ITPR2: variants seen among roughly 807,000 people sequenced by gnomAD.
The protein encoded by ITPR2 is inositol 1,4,5-trisphosphate receptor type 2.
Under a neutral mutation model 317.1 loss-of-function variants are expected in ITPR2, and 207 were observed. The observed-to-expected ratio is 0.65, with a 90% CI of 0.58 to 0.73. The LOEUF is 0.73. Among genes scored for constraint, ITPR2 ranks in the 30% least tolerant of loss-of-function variants. The pLI, the probability that ITPR2 is intolerant of heterozygous loss-of-function variation, is 0.00. For synonymous variants in ITPR2, 1,156 were observed against 1,149.1 expected (o/e 1.01, Z -0.12); for missense variants, 2,613 against 3,284.0 (o/e 0.80, Z 4.99).
intron 21 of ITPR2, among the ~76,000 whole-genome samples, chr12:26,636,830 G>A (rs1486219651): frequency 2.0e-5 from 3 of 152,082 alleles, no homozygotes; most frequent in Non-Finnish European, 4.4e-5. Context: ...GTTGGGAGAC[G>A]AATTCCAGTT....
intron 55 of ITPR2, among the ~76,000 whole-genome samples, chr12:26,369,554 C>T (rs1939120860): frequency 6.6e-6 from 1 of 152,090 alleles, no homozygotes. Flanking sequence ...AATTTCTTTC[C>T]AATTAAGTGC....
At chr12:26,362,474 A>G (rs1783950354) in intron 55 of ITPR2, among the ~76,000 whole-genome samples, 1 of 152,212 alleles carries the variant, frequency 6.6e-6, no homozygotes, top group South Asian at 2.1e-4. Flanking sequence ...GTGCTCAAAT[A>G]TGTGGAGGTA....
intron 45 of ITPR2, among the ~76,000 whole-genome samples, chr12:26,451,588 T>A (rs1274822343): frequency 1.3e-5 from 2 of 152,168 alleles, no homozygotes; most frequent in African/African-American, 4.8e-5. Flanking sequence ...CAGTTTATTA[T>A]TTCCTTTATA....
At chr12:26,478,711 C>T (rs1942472343) in intron 43 of ITPR2, among the ~76,000 whole-genome samples, 1 of 151,978 alleles carries the variant, frequency 6.6e-6, no homozygotes, top group Non-Finnish European at 1.5e-5. Context: ...AGTGTTAGTG[C>T]AGGAGTTTCT....
intron 45 of ITPR2, among the ~76,000 whole-genome samples, chr12:26,455,344 T>TTAA (rs1491233561): frequency 3.0e-5 from 2 of 66,360 alleles, no homozygotes. Flanking sequence ...CAACAGCTGC[T>TTAA]AAAAAAAAAA....
intron 45 of ITPR2, among the ~76,000 whole-genome samples, chr12:26,450,179 C>A (rs1307059105): frequency 6.6e-6 from 1 of 152,144 alleles, no homozygotes; most frequent in African/African-American, 2.4e-5. Flanking sequence ...CCTGCCAACA[C>A]CTTGGCTTAG....
intron 13 of ITPR2, among the ~76,000 whole-genome samples, chr12:26,675,154 C>A (rs571273899): frequency 2.5e-3 from 375 of 152,240 alleles, no homozygotes; most frequent in African/African-American, 8.8e-3. Flanking sequence ...CCTCAGGGAT[C>A]TAGAACTACA....
chr12:26,365,460 T>C (rs4963665), intron 55 of ITPR2, among the ~76,000 whole-genome samples: 24,879 of 152,014 alleles, frequency 0.16, 2,239 homozygotes, highest in African/African-American at 0.22. Flanking sequence ...AGTTCAGAAG[T>C]AATAGATCAG....
chr12:26,602,825 C>G lies in ITPR2; in HGVS notation c.3463-119G>C, dbSNP rs1946032349. On this transcript the variant is annotated intron_variant, in intron 26 of 56. Transcript: ENST00000381340. ...ATTTTGTAATAAATCTATTATTCAA[C>G]TTAAATGTTTCTTTTGTACTTTTTT... 6 of 488,998 alleles carry G rather than the reference C, an allele frequency of 1.2e-5. No individual in the cohort carries two copies. In the East Asian group the frequency reaches 2.2e-4, roughly 18 times the overall value. The allele number at this position is 488,998 out of a possible 1,614,324, so 30.3% of individuals were successfully genotyped here. A position where few individuals can be genotyped will look rare whatever the true frequency, so the allele number is the denominator to read the frequency against.
chr12:26,755,881 T>G (rs567488212), intron 2 of ITPR2, among the ~76,000 whole-genome samples: 36 of 152,098 alleles, frequency 2.4e-4, no homozygotes, highest in Non-Finnish European at 5.0e-4. Flanking sequence ...GAATGTGACT[T>G]TCTAACAAGT....
chr12:26,691,994 A>G (rs1948250188), intron 10 of ITPR2, among the ~76,000 whole-genome samples: 2 of 151,906 alleles, frequency 1.3e-5, no homozygotes, highest in Non-Finnish European at 2.9e-5. Flanking sequence ...TTCTGATAGA[A>G]CCTTTGTTTC....
chr12:26,415,584 G>A, intron 50 of ITPR2, 86 bp from the exon 51 acceptor site: 1 of 933,832 alleles, frequency 1.1e-6, no homozygotes, highest in South Asian at 2.4e-5. Flanking sequence ...AAATACAAAT[G>A]CAAGCCATTC....
At chr12:26,575,653 C>T (rs1945257733) in intron 34 of ITPR2, among the ~76,000 whole-genome samples, 1 of 152,128 alleles carries the variant, frequency 6.6e-6, no homozygotes, top group Admixed American at 6.5e-5. Flanking sequence ...ACTAAAATTT[C>T]CTCTTAAATT....
chr12:26,554,457 G>A (rs1262144427), intron 36 of ITPR2, among the ~76,000 whole-genome samples: 1 of 152,216 alleles, frequency 6.6e-6, no homozygotes, highest in African/African-American at 2.4e-5. Flanking sequence ...TAGGCTTTGT[G>A]GGGTACACAG....
At chr12:26,544,615 C>T in intron 37 of ITPR2, among the ~76,000 whole-genome samples, 1 of 151,292 alleles carries the variant, frequency 6.6e-6, no homozygotes, top group South Asian at 2.1e-4. Context: ...GACACACACA[C>T]ACACACACAC....
chr12:26,751,797 C>T (rs563950008), intron 2 of ITPR2, among the ~76,000 whole-genome samples: 97 of 151,200 alleles, frequency 6.4e-4, no homozygotes, highest in African/African-American at 2.3e-3. Flanking sequence ...ACCTGGGAGG[C>T]AGAGGTTGCA....
At chr12:26,441,248 G>T (rs549390662) in intron 46 of ITPR2, among the ~76,000 whole-genome samples, 2 of 152,316 alleles carry the variant, frequency 1.3e-5, no homozygotes, top group East Asian at 3.9e-4. Context: ...AGCAGAAGCA[G>T]ATCATTAGAG....
At position 26,338,799 on chromosome 12, in the gene ITPR2, A is replaced by G. The variant is rs546112563; in HGVS notation, c.*598T>C. The G allele has an allele frequency of 6.6e-6, 1 of 152,268 alleles. No individual in the cohort carries two copies. Among genetic ancestry groups the G allele is most frequent in the African/African-American group, 2.4e-5 (1 of 41,472 alleles). 9.4% of individuals were successfully genotyped at this position (152,268 alleles called of 1,614,324 possible). A position where few individuals can be genotyped will look rare whatever the true frequency, so the allele number is the denominator to read the frequency against. ...TGTCAGTGTGAGAGGCAAAAGCTCC[A>G]AAGTACTAAGTTCCTAGAGCTGTAA... On this transcript the variant is annotated 3_prime_UTR_variant, in exon 57 of 57. Coordinates refer to ENST00000381340, the MANE Select transcript of ITPR2 (RefSeq NM_002223.4).
At chr12:26,379,126 T>G (rs975683765) in intron 55 of ITPR2, among the ~76,000 whole-genome samples, 4 of 152,224 alleles carry the variant, frequency 2.6e-5, no homozygotes, top group African/African-American at 4.8e-5. Flanking sequence ...ATTATGGGCA[T>G]GGCATCCGTT....
Sources: allele counts gnomAD v4.1 joint callset (sites outside exome capture counted in the v4.1 genomes callset), GRCh38; gene constraint gnomAD v4.1.1; transcripts MANE v1.5; gene names NCBI Gene and HGNC (gene_info 2026-07-23, HGNC 2026-07-21).